The following SLC12A1 variants were observed in gnomAD, a reference collection of about 807,000 sequenced individuals.
SLC12A1 encodes the protein solute carrier family 12 member 1.
A neutral mutation model predicts 130.4 loss-of-function variants in SLC12A1; 89 were observed. That is an observed-to-expected ratio of 0.68 (90% CI 0.58 to 0.81). The LOEUF is 0.81. SLC12A1 is among the 40% of genes least tolerant of loss of function. SLC12A1 has a pLI of 0.00. For missense variants in SLC12A1, 1,310 were observed against 1,336.4 expected, an observed-to-expected ratio of 0.98 and a Z score of 0.31; for synonymous variants, 499 against 460.0, an observed-to-expected ratio of 1.08 and a Z score of -1.09.
chr15:48,222,506 G>A (rs1489193728), intron 4 of SLC12A1: 1 of 151,816 alleles, frequency 6.6e-6, no homozygotes, highest in Non-Finnish European at 1.5e-5. Context: ...TTATATTGAA[G>A]TAGTTAAATT....
chr15:48,302,687 A>T, intron 26 of SLC12A1, 63 bp from the exon 27 acceptor site: 1 of 1,111,420 alleles, frequency 9.0e-7, no homozygotes, highest in Non-Finnish European at 1.3e-6. Context: ...CAGAAATACT[A>T]GTGCCGTTAC....
chr15:48,286,989 C>T (rs2042066576), intron 21 of SLC12A1, among the ~76,000 whole-genome samples: 1 of 152,204 alleles, frequency 6.6e-6, no homozygotes, highest in Admixed American at 6.5e-5. Context: ...TGCTTCAGAA[C>T]TGACAGACTC....
intron 18 of SLC12A1, among the ~76,000 whole-genome samples, chr15:48,268,689 T>G (rs1272999613): frequency 1.3e-5 from 2 of 152,202 alleles, no homozygotes; most frequent in East Asian, 3.8e-4. Flanking sequence ...ATGAGCCTCT[T>G]TTCATCTGTT....
chr15:48,215,427 T>C lies in SLC12A1; in HGVS notation c.421-5207T>C, dbSNP rs372768534. Among the ~76,000 whole-genome samples, 10 of 152,340 alleles carry C rather than the reference T, an allele frequency of 6.6e-5. No homozygotes were observed. In the East Asian group the frequency reaches 1.7e-3, roughly 26 times the overall value. On this transcript the variant is annotated intron_variant, in intron 2 of 26. Transcript: ENST00000380993. Reference sequence around the variant, plus strand: ...TAAATAAATAATCATTCCCTAAAGCTACATAATTTAGAATACATTTATAAA... The same window carrying C: ...TAAATAAATAATCATTCCCTAAAGCCACATAATTTAGAATACATTTATAAA...
chr15:48,269,633 C>G, intron 18 of SLC12A1, 25 bp from the exon 19 acceptor site: 1 of 1,329,684 alleles, frequency 7.5e-7, no homozygotes, highest in Non-Finnish European at 1.1e-6. Context: ...TAAGGATTGC[C>G]CACATTTTTA....
In SLC12A1 at chr15:48,226,591, T is replaced by C. The variant is rs185561333; in HGVS notation, c.724+20T>C. ...GTGGAGGTAAAATCTCTAAGATATC[T>C]AATGCCCTCATCACTTGCTACGGGT... is the stretch of plus-strand genomic sequence containing the variant. On this transcript the variant is annotated intron_variant, in intron 5 of 26. Transcript: ENST00000380993. 1.8e-5 allele frequency: 26 copies of C among 1,473,148 alleles called. No homozygotes were observed. The Admixed American group carries it at 4.1e-4, about 23-fold the overall frequency. 91.3% of individuals were successfully genotyped at this position (1,473,148 alleles called of 1,614,324 possible).
chr15:48,240,010 C>CATATATATATATAT (rs1194360232), intron 9 of SLC12A1, among the ~76,000 whole-genome samples: 1 of 96,666 alleles, frequency 1.0e-5, no homozygotes, highest in African/African-American at 4.9e-5. Flanking sequence ...ATCTGTTATC[C>CATATATATATATAT]ATATATATAT....
chr15:48,286,185 T>C (rs1045640762), intron 21 of SLC12A1, among the ~76,000 whole-genome samples: 2 of 152,170 alleles, frequency 1.3e-5, no homozygotes, highest in African/African-American at 4.8e-5. Flanking sequence ...TTTCCTACTA[T>C]AGCCCAAGGA....
intron 11 of SLC12A1, 37 bp downstream of exon 11, chr15:48,244,941 T>A: frequency 1.3e-6 from 2 of 1,596,474 alleles, no homozygotes; most frequent in Non-Finnish European, 1.7e-6. Flanking sequence ...ACTGCTATTA[T>A]TTTCATTTTT....
chr15:48,245,813 G>A (rs1400143955), intron 11 of SLC12A1, among the ~76,000 whole-genome samples: 2 of 152,186 alleles, frequency 1.3e-5, no homozygotes, highest in Non-Finnish European at 2.9e-5. Context: ...TCAAATGACA[G>A]TCCTGTTTTA....
intron 9 of SLC12A1, among the ~76,000 whole-genome samples, chr15:48,240,114 T>TATATATATATATATCC (rs2041498951): frequency 3.2e-5 from 4 of 123,880 alleles, no homozygotes; most frequent in Admixed American, 7.9e-5. Context: ...TATATATCCA[T>TATATATATATATATCC]ATATATATAT....
chr15:48,288,020 C>A (rs763513734), intron 21 of SLC12A1, 23 bp from the exon 22 acceptor site: 9 of 1,602,916 alleles, frequency 5.6e-6, no homozygotes, highest in Middle Eastern at 1.7e-4. Context: ...CAAACAGATG[C>A]ATCAATTCCT....
chr15:48,288,175 G>T lies in SLC12A1; in HGVS notation c.2761+1G>T. The T allele has an allele frequency of 3.7e-6, 6 of 1,607,366 alleles. No individual in the cohort carries two copies. The highest frequency in any genetic ancestry group is 4.2e-6 in the Non-Finnish European group (5 of 1,176,784). On this transcript the variant is annotated splice_donor_variant, in intron 22 of 26. Transcript: ENST00000380993. LOFTEE classifies it high-confidence loss of function. ...GTTTGGTGGTTGTTTGATGATGGAG[G>T]TAAAAACTTTCAGAAAATACACTAG...
chr15:48,266,802 GA>G (rs1330811258), intron 17 of SLC12A1, among the ~76,000 whole-genome samples: 2 of 152,146 alleles, frequency 1.3e-5, no homozygotes, highest in African/African-American at 2.4e-5. Flanking sequence ...GACATTTAAG[GA>G]AGGAGAAATA....
At chr15:48,297,146 T>G (rs2042185273) in intron 24 of SLC12A1, among the ~76,000 whole-genome samples, 1 of 152,178 alleles carries the variant, frequency 6.6e-6, no homozygotes. Flanking sequence ...TTTAATAAAA[T>G]CATCTATCAA....
intron 20 of SLC12A1, among the ~76,000 whole-genome samples, chr15:48,277,296 C>A (rs1313659085): frequency 6.6e-6 from 1 of 151,218 alleles, no homozygotes; most frequent in African/African-American, 2.4e-5. Flanking sequence ...AAGAGTTGGC[C>A]TGAAACATAA....
intron 19 of SLC12A1, among the ~76,000 whole-genome samples, chr15:48,271,352 G>C (rs539475951): frequency 3.9e-5 from 6 of 152,242 alleles, no homozygotes; most frequent in Admixed American, 2.6e-4. Flanking sequence ...TCCTGTGTCT[G>C]GGATCTGGCT....
rs776210012 is a variant in SLC12A1, at chr15:48,259,258, A to G, written c.2101A>G (p.Thr701Ala). Reference protein sequence around the residue: ...PMTRPALLDITHAFTKNSGLC... With the variant: ...PMTRPALLDIAHAFTKNSGLC... ...GACAAGACCTGCTCTCCTGGACATA[A>G]CTCACGCCTTTACCAAGAACAGTGG... Residue 701 changes from threonine (T) to alanine (A), a missense_variant, in exon 17 of 27, where the codon ACT becomes GCT. Thr to Ala is a moderately conservative substitution (Grantham distance 58, BLOSUM62 0). Transcript: ENST00000380993. 1.2e-6 allele frequency: 2 copies of G among 1,613,710 alleles called. No homozygotes were observed. The highest frequency in any genetic ancestry group is 1.7e-6 in the Non-Finnish European group (2 of 1,179,826).
At chr15:48,270,118 A>G (rs1401863947) in intron 19 of SLC12A1, among the ~76,000 whole-genome samples, 2 of 152,188 alleles carry the variant, frequency 1.3e-5, no homozygotes, top group African/African-American at 4.8e-5. Flanking sequence ...GGTGTCTCCA[A>G]TTCAGTCATT....
Sources: allele counts gnomAD v4.1 joint callset (sites outside exome capture counted in the v4.1 genomes callset), GRCh38; gene constraint gnomAD v4.1.1; transcripts MANE v1.5; gene names NCBI Gene and HGNC (gene_info 2026-07-23, HGNC 2026-07-21).